Variants in VPS37A observed in about 807,000 individuals in gnomAD.
The protein encoded by VPS37A is vacuolar protein sorting-associated protein 37A.
Under a neutral mutation model 49.8 loss-of-function variants are expected in VPS37A, and 30 were observed. The ratio of observed to expected loss-of-function variants is 0.60; its 90% CI spans 0.45 to 0.82. The LOEUF (loss-of-function observed/expected upper bound fraction) is 0.82, where lower values mean the gene tolerates loss of function less well. Ranked by LOEUF, VPS37A falls within the 40% of genes least tolerant of loss-of-function variation. VPS37A has a pLI of 0.00. For synonymous variants in VPS37A, 195 were observed against 160.6 expected (o/e 1.21, Z -1.62); for missense variants, 593 against 464.4 (o/e 1.28, Z -2.55).
At chr8:17,311,763 G>T in the VPS37A span, 1 of 1,426,412 alleles carries the variant, frequency 7.0e-7, no homozygotes, top group South Asian at 1.3e-5. Flanking sequence ...CTGTCCATTC[G>T]TCTGTTTAGG....
rs1213461545 is a variant in VPS37A, at chr8:17,274,732, G to A, written c.417-1G>A. On this transcript the variant is annotated splice_acceptor_variant, in intron 4 of 11. Transcript: ENST00000324849. LOFTEE classifies it high-confidence loss of function. ...TAATGATCTTCTCTTTTTCTTTTCAGTCTATACAGTAACCCAAGTGGGATG... is the reference window on the plus strand; with the variant it reads ...TAATGATCTTCTCTTTTTCTTTTCAATCTATACAGTAACCCAAGTGGGATG... 1.9e-6 allele frequency: 3 copies of A among 1,609,788 alleles called. No individual in the cohort carries two copies. The highest frequency in any genetic ancestry group is 1.3e-5 in the African/African-American group (1 of 74,768).
intron 11 of VPS37A, among the ~76,000 whole-genome samples, chr8:17,291,938 G>C (rs1816196129): frequency 6.6e-6 from 1 of 152,086 alleles, no homozygotes; most frequent in Admixed American, 6.6e-5. Flanking sequence ...CTGAGAAGAA[G>C]GTATATTCTG....
intron 1 of VPS37A, among the ~76,000 whole-genome samples, chr8:17,264,529 G>A (rs1813269789): frequency 2.0e-5 from 3 of 152,062 alleles, no homozygotes. Flanking sequence ...TATCAGAGAG[G>A]AAAGCTTATC....
chr8:17,265,804 T>A, intron 1 of VPS37A, 103 bp from the exon 2 acceptor site: 3 of 1,583,044 alleles, frequency 1.9e-6, no homozygotes, highest in Non-Finnish European at 2.6e-6. Flanking sequence ...GATTCTGTGA[T>A]TAAAAATAAA....
At chr8:17,294,046 G>T (rs891433578) in intron 11 of VPS37A, among the ~76,000 whole-genome samples, 1 of 152,188 alleles carries the variant, frequency 6.6e-6, no homozygotes, top group Admixed American at 6.5e-5. Flanking sequence ...TGCAAGCTGC[G>T]CCCACAGCCA....
chr8:17,289,368 G>T (rs1469419976), intron 11 of VPS37A, among the ~76,000 whole-genome samples: 1 of 152,084 alleles, frequency 6.6e-6, no homozygotes, highest in Non-Finnish European at 1.5e-5. Flanking sequence ...AATCCATCTT[G>T]AGTTAATTTT....
intron 1 of VPS37A, chr8:17,248,107 G>A (rs766855518): frequency 5.5e-6 from 2 of 361,114 alleles, no homozygotes; most frequent in Admixed American, 8.6e-5. Flanking sequence ...AAATTGGTTT[G>A]CTGCAGCCTT....
chr8:17,286,932 C>G (rs1815655457), intron 11 of VPS37A, among the ~76,000 whole-genome samples: 1 of 152,194 alleles, frequency 6.6e-6, no homozygotes, highest in Non-Finnish European at 1.5e-5. Context: ...TTGCTCTACT[C>G]CAGAACCTGT....
chr8:17,283,663 T>G (rs894181564), intron 9 of VPS37A, among the ~76,000 whole-genome samples: 3 of 152,130 alleles, frequency 2.0e-5, no homozygotes, highest in Non-Finnish European at 4.4e-5. Context: ...TGGCCATATG[T>G]GTGAGGGTTT....
chr8:17,286,352 C>T lies in VPS37A; in HGVS notation c.1119C>T (p.Cys373=), dbSNP rs1050253333. The part of the protein sequence containing the change: ...LSSFMEKRTI[C]HCRRAKEEKL... ...TTCAAAAATTTATTTTCTAGATTTG[C>T]CACTGTAGAAGAGCCAAGGAAGAGA... The change falls in exon 11 of 12, where the codon TGC becomes TGT. Residue 373 remains cysteine (C), a synonymous_variant. Coordinates refer to ENST00000324849, the MANE Select transcript of VPS37A (RefSeq NM_152415.3). 1.9e-6 allele frequency: 3 copies of T among 1,612,750 alleles called. No homozygotes were observed. In the African/African-American group the frequency reaches 4.0e-5, roughly 22 times the overall value.
the VPS37A span, among the ~76,000 whole-genome samples, chr8:17,327,371 A>G: frequency 0.34 from 51,560 of 151,994 alleles, 11,832 homozygotes; most frequent in African/African-American, 0.65. Context: ...CCCAGGCCCA[A>G]GTGATCCTCC....
the VPS37A span, among the ~76,000 whole-genome samples, chr8:17,323,456 C>T: frequency 1.8e-4 from 28 of 152,096 alleles, no homozygotes; most frequent in Admixed American, 3.3e-4. Flanking sequence ...TAAAATCTAA[C>T]AGGGAACTCC....
intron 4 of VPS37A, among the ~76,000 whole-genome samples, chr8:17,269,694 T>C (rs551046844): frequency 6.6e-6 from 1 of 152,312 alleles, no homozygotes; most frequent in Admixed American, 6.5e-5. Context: ...GTTGTCATCC[T>C]GGGATTTTCC....
At chr8:17,273,187 T>G (rs1483968270) in intron 4 of VPS37A, among the ~76,000 whole-genome samples, 2 of 152,030 alleles carry the variant, frequency 1.3e-5, no homozygotes, top group African/African-American at 4.8e-5. Context: ...CTGACAGATA[T>G]TTTCATGTTT....
intron 1 of VPS37A, among the ~76,000 whole-genome samples, chr8:17,265,297 C>G (rs185207175): frequency 6.6e-6 from 1 of 152,310 alleles, no homozygotes; most frequent in Admixed American, 6.5e-5. Flanking sequence ...CAATTTCTCC[C>G]TACAACTTTC....
intron 10 of VPS37A, 65 bp downstream of exon 10, chr8:17,284,681 G>A: frequency 1.3e-6 from 2 of 1,499,428 alleles, no homozygotes; most frequent in Non-Finnish European, 8.9e-7. Flanking sequence ...TAGAGGAGGA[G>A]AAGCACTGGG....
At chr8:17,291,593 C>T (rs949735060) in intron 11 of VPS37A, among the ~76,000 whole-genome samples, 6 of 151,586 alleles carry the variant, frequency 4.0e-5, no homozygotes, top group Admixed American at 1.3e-4. Context: ...AGATTTTTAC[C>T]GCTTTCTCCT....
chr8:17,325,267 C>G, the VPS37A span, among the ~76,000 whole-genome samples: 1 of 152,080 alleles, frequency 6.6e-6, no homozygotes, highest in African/African-American at 2.4e-5. Context: ...AACATGTGAC[C>G]GTCATACCCA....
the VPS37A span, among the ~76,000 whole-genome samples, chr8:17,322,654 T>C: frequency 7.2e-5 from 11 of 151,908 alleles, no homozygotes; most frequent in Admixed American, 7.2e-4. Context: ...ACCCCATCTC[T>C]ACAAAAAATA....
Sources: gnomAD v4.1 joint callset for allele counts (sites outside exome capture counted in the v4.1 genomes callset) on GRCh38, gnomAD v4.1.1 for gene constraint, MANE v1.5 for transcripts, NCBI Gene and HGNC (gene_info 2026-07-23, HGNC 2026-07-21) for gene names.